The following C13orf46 variants were observed in gnomAD, a reference collection of about 807,000 sequenced individuals.
C13orf46 encodes uncharacterized protein C13orf46.
chr13:113,957,040 G>C (rs1418187523), intron 6 of C13orf46, among the ~76,000 whole-genome samples: 1 of 151,852 alleles, frequency 6.6e-6, no homozygotes, highest in Non-Finnish European at 1.5e-5. Flanking sequence ...AAGTGCACTG[G>C]GGGGTCTCCC....
At chr13:113,934,015 C>G in the C13orf46 span, among the ~76,000 whole-genome samples, 1,009 of 152,274 alleles carry the variant, frequency 6.6e-3, 10 homozygotes, top group Non-Finnish European at 0.012. Context: ...CAACCACATT[C>G]GAGATGCATG....
chr13:113,931,360 TC>T, the C13orf46 span, among the ~76,000 whole-genome samples: 1 of 152,186 alleles, frequency 6.6e-6, no homozygotes, highest in Non-Finnish European at 1.5e-5. Flanking sequence ...CGGACACAAC[TC>T]AGTGAGAGCA....
downstream of C13orf46, among the ~76,000 whole-genome samples, chr13:113,952,492 C>G (rs889645637): frequency 6.6e-6 from 1 of 152,196 alleles, no homozygotes; most frequent in Admixed American, 6.5e-5. Flanking sequence ...GGCCATCTCC[C>G]CCAGCCTGGG....
the C13orf46 span, among the ~76,000 whole-genome samples, chr13:113,929,711 C>T: frequency 1.1e-4 from 17 of 152,350 alleles, no homozygotes; most frequent in Middle Eastern, 0.014. Context: ...CCACAAGCAA[C>T]TGGTTCACAT....
downstream of C13orf46, among the ~76,000 whole-genome samples, chr13:113,949,613 C>T (rs1237166711): frequency 2.0e-5 from 3 of 152,358 alleles, no homozygotes; most frequent in Non-Finnish European, 4.4e-5. Context: ...TCTGTCCCCT[C>T]TTGCAGGGAG....
chr13:113,948,045 C>T, the C13orf46 span, among the ~76,000 whole-genome samples: 7 of 152,394 alleles, frequency 4.6e-5, no homozygotes, highest in South Asian at 2.1e-4. Context: ...GAAAAGCCCA[C>T]GTCCTGCCAC....
chr13:113,966,308 G>C (rs2052647085), intron 5 of C13orf46, among the ~76,000 whole-genome samples: 1 of 151,492 alleles, frequency 6.6e-6, no homozygotes, highest in African/African-American at 2.4e-5. Flanking sequence ...TGATGGTGAT[G>C]ATGATGCTGG....
the C13orf46 span, chr13:113,927,830 G>A: frequency 5.7e-5 from 22 of 387,604 alleles, no homozygotes; most frequent in African/African-American, 4.3e-4. Flanking sequence ...ATGGACCAAC[G>A]TGCTTTCCAT....
the C13orf46 span, among the ~76,000 whole-genome samples, chr13:113,939,566 G>A: frequency 1.3e-3 from 199 of 152,340 alleles, no homozygotes; most frequent in African/African-American, 4.4e-3. Context: ...GCACCACTCA[G>A]CCTGGTTCAC....
At chr13:113,961,693 G>A (rs1246211239) in intron 6 of C13orf46, among the ~76,000 whole-genome samples, 2 of 152,178 alleles carry the variant, frequency 1.3e-5, no homozygotes, top group African/African-American at 2.4e-5. Context: ...TACAAAAGTG[G>A]TTCCAGTTTT....
chr13:113,933,756 A>T, the C13orf46 span, among the ~76,000 whole-genome samples: 2 of 152,324 alleles, frequency 1.3e-5, no homozygotes, highest in East Asian at 3.8e-4. Context: ...AGCTAATTAT[A>T]GCTTCACAAA....
chr13:113,934,515 G>A, the C13orf46 span, among the ~76,000 whole-genome samples: 3 of 152,338 alleles, frequency 2.0e-5, no homozygotes, highest in Admixed American at 2.0e-4. Context: ...AAAGGAAATA[G>A]ACCCACACAT....
chr13:113,937,737 A>C, the C13orf46 span, among the ~76,000 whole-genome samples: 3 of 152,218 alleles, frequency 2.0e-5, no homozygotes, highest in South Asian at 4.1e-4. Context: ...AGCAGGGAGG[A>C]GGCTTCCAGG....
chr13:113,927,577 C>T, the C13orf46 span: 1 of 398,496 alleles, frequency 2.5e-6, no homozygotes, highest in Non-Finnish European at 4.4e-6. Flanking sequence ...GATGGAGCGA[C>T]CGTCTACACA....
intron 6 of C13orf46, among the ~76,000 whole-genome samples, chr13:113,957,236 TG>T (rs2052543994): frequency 8.1e-6 from 1 of 123,010 alleles, no homozygotes; most frequent in South Asian, 2.7e-4. Flanking sequence ...TCAAGCGCAC[TG>T]GGGGTCTCCC....
At chr13:113,963,910 G>A (rs897147115) in intron 6 of C13orf46, among the ~76,000 whole-genome samples, 1 of 152,202 alleles carries the variant, frequency 6.6e-6, no homozygotes, top group South Asian at 2.1e-4. Context: ...GAGTGCAGTG[G>A]TGCTATCTCG....
the C13orf46 span, among the ~76,000 whole-genome samples, chr13:113,945,213 G>A: frequency 6.6e-6 from 1 of 152,150 alleles, no homozygotes; most frequent in Admixed American, 6.6e-5. Context: ...ATCTTCCCGG[G>A]AACAGCAGGC....
At chr13:113,930,086 C>T in the C13orf46 span, among the ~76,000 whole-genome samples, 1 of 152,236 alleles carries the variant, frequency 6.6e-6, no homozygotes, top group Non-Finnish European at 1.5e-5. Context: ...TGCCCGGCAG[C>T]CAGCACTGGG....
the C13orf46 span, among the ~76,000 whole-genome samples, chr13:113,940,101 C>A: frequency 6.6e-6 from 1 of 152,242 alleles, no homozygotes; most frequent in Non-Finnish European, 1.5e-5. Context: ...CCTGCCCATG[C>A]GGCCAAAGTC....
Sources: allele counts gnomAD v4.1 joint callset (sites outside exome capture counted in the v4.1 genomes callset), GRCh38; gene constraint gnomAD v4.1.1; transcripts MANE v1.5; gene names NCBI Gene and HGNC (gene_info 2026-07-23, HGNC 2026-07-21).